SNAP29: variants seen among roughly 807,000 people sequenced by gnomAD.
SNAP29 encodes synaptosomal-associated protein 29.
Under a neutral mutation model 27.9 loss-of-function variants are expected in SNAP29, and 13 were observed. That is an observed-to-expected ratio of 0.47 (90% confidence interval 0.30 to 0.74). The LOEUF (loss-of-function observed/expected upper bound fraction) is 0.74, where lower values mean the gene tolerates loss of function less well. SNAP29 is among the 30% of genes least tolerant of loss of function. The pLI, the probability that SNAP29 is intolerant of heterozygous loss-of-function variation, is 0.06. For missense variants in SNAP29, 368 were observed against 336.5 expected, an observed-to-expected ratio of 1.09 and a Z score of -0.73; for synonymous variants, 119 against 127.1, an observed-to-expected ratio of 0.94 and a Z score of 0.43.
intron 1 of SNAP29, among the ~76,000 whole-genome samples, chr22:20,869,926 A>G (rs1928547265): frequency 6.6e-6 from 1 of 152,022 alleles, no homozygotes; most frequent in Non-Finnish European, 1.5e-5. Flanking sequence ...GCCCGCCACA[A>G]CACCTGGCTA....
At chr22:20,882,966 T>C (rs1417787406) in intron 3 of SNAP29, among the ~76,000 whole-genome samples, 1 of 151,700 alleles carries the variant, frequency 6.6e-6, no homozygotes, top group Non-Finnish European at 1.5e-5. Context: ...CAAGGAAGAT[T>C]TCTTGTGGCA....
At chr22:20,884,331 TAA>T (rs397868049) in intron 4 of SNAP29, among the ~76,000 whole-genome samples, 69 of 133,076 alleles carry the variant, frequency 5.2e-4, no homozygotes, top group Admixed American at 6.8e-4. Context: ...AAACTCCACC[TAA>T]AAAAAAAAAA....
chr22:20,887,801 A>G lies in SNAP29; in HGVS notation c.742A>G (p.Ile248Val). Residue 248 changes from isoleucine (I) to valine (V), a missense_variant, in exon 5 of 5, where the codon ATA (isoleucine) becomes GTA (valine). Ile to Val is a conservative substitution (Grantham distance 29). Coordinates refer to ENST00000215730, the MANE Select transcript of SNAP29 (RefSeq NM_004782.4). Reference protein sequence around the residue: ...TTKVDKLDVNIKSTERKVRQL With the variant: ...TTKVDKLDVNVKSTERKVRQL ...CAAAGTGGACAAGTTAGATGTCAAC[A>G]TAAAAAGCACAGAAAGAAAAGTTCG... 1 of 1,614,228 alleles carries G rather than the reference A, an allele frequency of 6.2e-7. No homozygotes were observed. Among genetic ancestry groups the G allele is most frequent in the Non-Finnish European group, 8.5e-7 (1 of 1,180,030 alleles).
intron 2 of SNAP29, among the ~76,000 whole-genome samples, chr22:20,879,073 C>T (rs181773097): frequency 1.1e-4 from 16 of 152,052 alleles, no homozygotes; most frequent in Admixed American, 1.0e-3. Context: ...TTTGGGAGGC[C>T]AAGGTGGGCG....
intron 1 of SNAP29, among the ~76,000 whole-genome samples, chr22:20,863,585 C>T (rs1158864654): frequency 6.6e-6 from 1 of 152,154 alleles, no homozygotes; most frequent in South Asian, 2.1e-4. Context: ...TTCCCCAGGC[C>T]GACCTGGTAG....
At chr22:20,886,264 A>G (rs1929013265) in intron 4 of SNAP29, among the ~76,000 whole-genome samples, 1 of 151,970 alleles carries the variant, frequency 6.6e-6, no homozygotes, top group Admixed American at 6.6e-5. Context: ...CTGGGATTAC[A>G]AGCATGAGCC....
chr22:20,887,454 A>AAC (rs938907684), intron 4 of SNAP29, among the ~76,000 whole-genome samples: 3 of 151,350 alleles, frequency 2.0e-5, no homozygotes, highest in African/African-American at 7.3e-5. Flanking sequence ...AGCGTGCACA[A>AAC]ACACACACAC....
chr22:20,874,413 T>G (rs1928688720), intron 2 of SNAP29, among the ~76,000 whole-genome samples: 1 of 147,622 alleles, frequency 6.8e-6, no homozygotes, highest in Non-Finnish European at 1.5e-5. Context: ...TAGCCGGACA[T>G]GGTGGTACGT....
Position 20,859,297 on chromosome 22 carries a change from T to G in SNAP29, c.187T>G (p.Ser63Ala). ...AEATAASTSR[S>A]LALMYESEKV... The stretch of plus-strand genomic sequence containing the variant: ...GGCCACGGCCGCCAGCACCAGCAGG[T>G]CCCTGGCCCTCATGTACGAGTCCGA... Residue 63 changes from serine (S) to alanine (A), a missense_variant, in exon 1 of 5, where the codon TCC becomes GCC. Transcript: ENST00000215730. 3 of 1,612,650 alleles carry G rather than the reference T, an allele frequency of 1.9e-6. No homozygotes were observed. Among genetic ancestry groups the G allele is most frequent in the Non-Finnish European group, 1.7e-6 (2 of 1,179,828 alleles).
chr22:20,887,750 G>A lies in SNAP29; in HGVS notation c.691G>A (p.Asp231Asn), dbSNP rs1929053457. 6.2e-7 allele frequency: 1 copy of A among 1,614,222 alleles called. No homozygotes were observed. Among genetic ancestry groups the A allele is most frequent in the East Asian group, 2.2e-5 (1 of 44,884 alleles). ...GATGCAGACAGAAATTGAGGAGCAA[G>A]ATGACATTCTTGACCGGCTGACAAC... is the stretch of plus-strand genomic sequence containing the variant. ...LGMQTEIEEQ[D>N]DILDRLTTKV... is the part of the protein sequence containing the mutation. Residue 231 changes from aspartate (D) to asparagine (N), a missense_variant, in exon 5 of 5, where the codon GAT (aspartate) becomes AAT (asparagine). Coordinates refer to ENST00000215730, the MANE Select transcript of SNAP29 (RefSeq NM_004782.4).
chr22:20,884,847 C>T (rs1928975634), intron 4 of SNAP29, among the ~76,000 whole-genome samples: 1 of 152,212 alleles, frequency 6.6e-6, no homozygotes, highest in Non-Finnish European at 1.5e-5. Context: ...GCAATCTCAG[C>T]TCACTGCAAC....
chr22:20,883,220 C>A (rs1928928895), intron 3 of SNAP29, among the ~76,000 whole-genome samples: 1 of 152,112 alleles, frequency 6.6e-6, no homozygotes, highest in African/African-American at 2.4e-5. Context: ...AGTTAGGTGA[C>A]CCTTAATTTG....
At position 20,890,402 on chromosome 22, in the gene SNAP29, T is replaced by C. The variant is rs1364106157; in HGVS notation, c.*2566T>C. 1 of 398,566 alleles carries C rather than the reference T, an allele frequency of 2.5e-6. No homozygotes were observed. Among genetic ancestry groups the C allele is most frequent in the Non-Finnish European group, 4.4e-6 (1 of 226,044 alleles). The allele number at this position is 398,566 out of a possible 1,614,324, so 24.7% of individuals were successfully genotyped here. A position where few individuals can be genotyped will look rare whatever the true frequency, so the allele number is the denominator to read the frequency against. ...TTCCACAGTTGAGCTGGAAACAAAC[T>C]GTGCCTTCAAAAAATGACTTTTCTA... On this transcript the variant is annotated 3_prime_UTR_variant, in exon 5 of 5. Transcript: ENST00000215730.
chr22:20,869,957 GA>G (rs902155612), intron 1 of SNAP29, among the ~76,000 whole-genome samples: 1 of 152,064 alleles, frequency 6.6e-6, no homozygotes, highest in Non-Finnish European at 1.5e-5. Context: ...TTTTAGTAGA[GA>G]GGGGGTTTCA....
At position 20,867,200 on chromosome 22, in the gene SNAP29, CAAGG is replaced by C. The variant is rs1329886829; in HGVS notation, c.238-3133_238-3130del. Among the ~76,000 whole-genome samples the C allele has an allele frequency of 3.3e-5, 5 of 152,296 alleles. No individual in the cohort carries two copies. In the East Asian group the frequency reaches 9.6e-4, roughly 29 times the overall value. ...CTGTAATGCTTAGTAATCACTGAAA[CAAGG>C]AAGCACTTTGCATGTGCGTCCTTTA... On this transcript the variant is annotated intron_variant, in intron 1 of 4. Transcript: ENST00000215730.
rs1929137806 is a variant in SNAP29 at position 20,890,900 on chromosome 22, C to G, written c.*3064C>G. ...ACCATCCTGGCTAACACAGTGAAAC[C>G]CCGTCTCTACTAAAAATATAAAAAA... On this transcript the variant is annotated 3_prime_UTR_variant, in exon 5 of 5. Coordinates refer to ENST00000215730, the MANE Select transcript of SNAP29 (RefSeq NM_004782.4). 2 of 151,648 alleles carry G rather than the reference C, an allele frequency of 1.3e-5. No individual in the cohort carries two copies. Among genetic ancestry groups the G allele is most frequent in the Admixed American group, 1.3e-4 (2 of 15,150 alleles). The allele number at this position is 151,648 out of a possible 1,614,324, so 9.4% of individuals were successfully genotyped here.
At position 20,883,463 on chromosome 22, in the gene SNAP29, A is replaced by T. The variant is rs150849181; in HGVS notation, c.521-8A>T. 67 of 1,588,430 alleles carry T rather than the reference A, an allele frequency of 4.2e-5. No individual in the cohort carries two copies. The African/African-American group carries it at 7.1e-4, about 17-fold the overall frequency. On this transcript the variant is annotated splice_polypyrimidine_tract_variant and splice_region_variant and intron_variant, in intron 3 of 4. Coordinates refer to ENST00000215730, the MANE Select transcript of SNAP29 (RefSeq NM_004782.4). ...AACCGCTCTCCTGGTGTTTCCTTCT[A>T]AACTTAGACCCTGTCCCCAGAGGGG...
At chr22:20,865,734 GA>G (rs2147861431) in intron 1 of SNAP29, among the ~76,000 whole-genome samples, 1 of 152,300 alleles carries the variant, frequency 6.6e-6, no homozygotes, top group East Asian at 1.9e-4. Flanking sequence ...ACCATCAAAT[GA>G]AAAAAGTGCA....
chr22:20,880,204 A>G (rs1928858317), intron 2 of SNAP29, among the ~76,000 whole-genome samples: 1 of 152,052 alleles, frequency 6.6e-6, no homozygotes, highest in Admixed American at 6.6e-5. Flanking sequence ...TACCATAATA[A>G]AAATAACTTG....
Sources: gnomAD v4.1 joint callset for allele counts (sites outside exome capture counted in the v4.1 genomes callset) on GRCh38, gnomAD v4.1.1 for gene constraint, MANE v1.5 for transcripts, NCBI Gene and HGNC (gene_info 2026-07-23, HGNC 2026-07-21) for gene names.